The following IQSEC2 variants were observed in gnomAD, a reference collection of about 807,000 sequenced individuals.
The protein encoded by IQSEC2 is IQ motif and SEC7 domain-containing protein 2.
In IQSEC2, 6 loss-of-function variants were observed where a neutral mutation model predicts 74.6. The ratio of observed to expected loss-of-function variants is 0.08; its 90% confidence interval spans 0.04 to 0.16. The LOEUF is 0.16. Ranked by LOEUF, IQSEC2 falls within the 10% of genes least tolerant of loss-of-function variation. IQSEC2 has a pLI of 1.00. For synonymous variants in IQSEC2, 494 were observed against 544.5 expected (o/e 0.91, Z 1.29); for missense variants, 734 against 1,306.2 (o/e 0.56, Z 6.75).
chrX:53,280,040 G>C (rs1452048805), intron 2 of IQSEC2, among the ~76,000 whole-genome samples: 4 of 109,897 alleles, frequency 3.6e-5, no homozygotes, highest in African/African-American at 1.3e-4. Context: ...ACAACAGGGG[G>C]CAGTAGAGAC....
chrX:53,282,288 G>A (rs1247722778), intron 2 of IQSEC2, among the ~76,000 whole-genome samples: 2 of 112,941 alleles, frequency 1.8e-5, no homozygotes, highest in Non-Finnish European at 3.7e-5. Context: ...GCAAATTGAG[G>A]CCTGGAGAGG....
chrX:53,282,506 C>T, intron 2 of IQSEC2, among the ~76,000 whole-genome samples: 1 of 112,919 alleles, frequency 8.9e-6, no homozygotes, highest in East Asian at 2.8e-4. Context: ...GTCCCAGAGC[C>T]CAGGCCCCTG....
At chrX:53,279,788 G>T in intron 2 of IQSEC2, 1 of 489,368 alleles carries the variant, frequency 2.0e-6, no homozygotes, top group Non-Finnish European at 3.6e-6. Context: ...TGGGAGGAAT[G>T]GAGGATGGGA....
intron 1 of IQSEC2, among the ~76,000 whole-genome samples, chrX:53,297,217 G>T (rs2075162165): frequency 9.0e-6 from 1 of 110,881 alleles, no homozygotes; most frequent in Non-Finnish European, 1.9e-5. Context: ...GCCTAGGCTG[G>T]TGGTCTACGT....
At chrX:53,292,614 GT>G (rs1314542590) in intron 1 of IQSEC2, among the ~76,000 whole-genome samples, 2 of 111,852 alleles carry the variant, frequency 1.8e-5, no homozygotes, top group African/African-American at 6.5e-5. Flanking sequence ...CGTTTTCATT[GT>G]GAGGCCTCTT....
rs782813981 is a variant in IQSEC2, at chrX:53,261,917, C to G, written c.738-5856G>C. Among the ~76,000 whole-genome samples, 3 of 112,133 alleles carry G rather than the reference C, an allele frequency of 2.7e-5. No homozygotes were observed. In the South Asian group the frequency reaches 1.1e-3, roughly 41 times the overall value. ...CACTTACTGCGCACCTTCCCTGTGT[C>G]AGGCATTTTCCACACATTATTTAAT... On this transcript the variant is annotated intron_variant, in intron 2 of 14. Transcript: ENST00000642864.
intron 1 of IQSEC2, among the ~76,000 whole-genome samples, chrX:53,294,012 C>T (rs2075126852): frequency 9.0e-6 from 1 of 111,585 alleles, no homozygotes; most frequent in Non-Finnish European, 1.9e-5. Context: ...GCTCATGTTC[C>T]TACCACCACG....
chrX:53,297,309 T>G (rs782145279), intron 1 of IQSEC2, among the ~76,000 whole-genome samples: 1 of 111,631 alleles, frequency 9.0e-6, no homozygotes, highest in East Asian at 2.8e-4. Context: ...CAACTTTTTA[T>G]TTTCCCTGCT....
At chrX:53,269,268 G>C (rs782537724) in intron 2 of IQSEC2, among the ~76,000 whole-genome samples, 1 of 111,800 alleles carries the variant, frequency 8.9e-6, no homozygotes, top group African/African-American at 3.3e-5. Flanking sequence ...TCCAGCATCC[G>C]TTCCCTTGGC....
chrX:53,271,898 C>T (rs1556868726), intron 2 of IQSEC2, among the ~76,000 whole-genome samples: 1 of 111,794 alleles, frequency 8.9e-6, no homozygotes, highest in African/African-American at 3.2e-5. Context: ...TGGACCATCT[C>T]TTCCACCAAA....
intron 4 of IQSEC2, 144 bp from the exon 5 acceptor site, chrX:53,251,318 C>T (rs1349329631): frequency 1.7e-6 from 1 of 588,790 alleles, no homozygotes; most frequent in Non-Finnish European, 2.7e-6. Context: ...GGTGGATTCC[C>T]CTCCCCCAGC....
chrX:53,245,459 A>T (rs1440326937), intron 8 of IQSEC2, among the ~76,000 whole-genome samples: 4 of 109,552 alleles, frequency 3.7e-5, no homozygotes, highest in African/African-American at 1.3e-4. Flanking sequence ...CAAATAAAAT[A>T]AAAAAACAGA....
intron 2 of IQSEC2, among the ~76,000 whole-genome samples, chrX:53,288,037 A>G (rs2075050957): frequency 9.0e-6 from 1 of 111,113 alleles, no homozygotes; most frequent in Non-Finnish European, 1.9e-5. Flanking sequence ...CCAGACTGTG[A>G]AGCAGTAAGT....
In IQSEC2 at chrX:53,282,887, G is replaced by T. The variant is rs781859012; in HGVS notation, c.737+9008C>A. 3.8e-4 allele frequency among the ~76,000 whole-genome samples: 42 copies of T among 111,187 alleles called. 1 individual carries two copies. The highest frequency in any genetic ancestry group is 3.8e-4 in the Admixed American group (4 of 10,470). ...GAGCTGAACCCTCTTGACCTGGCAG[G>T]AGCCGAGAGACATTAAGTGTAGTGC... is the stretch of plus-strand genomic sequence containing the variant. On this transcript the variant is annotated intron_variant, in intron 2 of 14. Coordinates refer to ENST00000642864, the MANE Select transcript of IQSEC2 (RefSeq NM_001111125.3).
At chrX:53,293,001 C>G (rs1451514067) in intron 1 of IQSEC2, among the ~76,000 whole-genome samples, 2 of 112,281 alleles carry the variant, frequency 1.8e-5, no homozygotes, top group African/African-American at 3.2e-5. Context: ...GAGATGAACA[C>G]AGCACAGGCT....
At chrX:53,289,127 CCTCTCCT>C (rs1487490156) in intron 2 of IQSEC2, among the ~76,000 whole-genome samples, 8,672 of 111,150 alleles carry the variant, frequency 0.078, 864 homozygotes, top group African/African-American at 0.27. Context: ...AGGCCTAGCG[CCTCTCCT>C]CGGTGTTTCT....
intron 2 of IQSEC2, among the ~76,000 whole-genome samples, chrX:53,261,420 T>C (rs930324860): frequency 1.2e-4 from 13 of 110,097 alleles, no homozygotes; most frequent in African/African-American, 4.3e-4. Context: ...TTTGGATTCC[T>C]GGACTTCAGA....
chrX:53,279,199 T>C (rs2074896598), intron 2 of IQSEC2: 1 of 156,976 alleles, frequency 6.4e-6, no homozygotes, highest in Non-Finnish European at 1.2e-5. Context: ...AAAAAAGAAA[T>C]AACATTCTGC....
In IQSEC2 at chrX:53,320,734, A is replaced by G; in HGVS notation, c.390T>C (p.Tyr130=). Residue 130 remains tyrosine (Y), a synonymous_variant, in exon 1 of 15, where the codon TAT becomes TAC. Transcript: ENST00000642864. ...EGAYQNREAV[Y]RDKERDASYP... is the part of the protein sequence containing the mutation. Reference sequence around the variant, plus strand: ...AGGAGGCGTCCCGCTCCTTGTCCCGATACACAGCCTCCCGATTCTGGTAGG... The same window carrying G: ...AGGAGGCGTCCCGCTCCTTGTCCCGGTACACAGCCTCCCGATTCTGGTAGG... 8.6e-7 allele frequency: 1 copy of G among 1,167,059 alleles called. No homozygotes were observed. Among genetic ancestry groups the G allele is most frequent in the Non-Finnish European group, 1.1e-6 (1 of 872,776 alleles).
Sources: allele counts gnomAD v4.1 joint callset (sites outside exome capture counted in the v4.1 genomes callset), GRCh38; gene constraint gnomAD v4.1.1; transcripts MANE v1.5; gene names NCBI Gene and HGNC (gene_info 2026-07-23, HGNC 2026-07-21).